The following XRN1 variants were observed in gnomAD, a reference collection of about 807,000 sequenced individuals.
The protein encoded by XRN1 is 5'-3' exoribonuclease 1, also known as strand-exchange protein 1 homolog.
Under a neutral mutation model 222.3 loss-of-function variants are expected in XRN1, and 67 were observed. The ratio of observed to expected loss-of-function variants is 0.30; its 90% CI spans 0.25 to 0.37. The LOEUF is 0.37. XRN1 is among the 10% of genes least tolerant of loss of function. XRN1 has a pLI of 1.00. For missense variants in XRN1, 1,707 were observed against 2,000.2 expected (o/e 0.85, Z 2.80); for synonymous variants, 643 against 652.4 (o/e 0.99, Z 0.22).
chr3:142,345,054 T>C (rs1359802797), intron 33 of XRN1, among the ~76,000 whole-genome samples: 1 of 152,160 alleles, frequency 6.6e-6, no homozygotes, highest in Non-Finnish European at 1.5e-5. Flanking sequence ...GCATATACAT[T>C]AGTGGAATGG....
chr3:142,440,131 G>A (rs984220108), intron 1 of XRN1, among the ~76,000 whole-genome samples: 1 of 152,096 alleles, frequency 6.6e-6, no homozygotes, highest in African/African-American at 2.4e-5. Flanking sequence ...GAGGTTAACT[G>A]TCTCCTGGAC....
At position 142,307,748 on chromosome 3, in the gene XRN1, T is replaced by A. The variant is rs2064998297; in HGVS notation, c.*3763A>T. The A allele has an allele frequency of 6.6e-6, 1 of 152,128 alleles. No homozygotes were observed. Among genetic ancestry groups the A allele is most frequent in the Admixed American group, 6.5e-5 (1 of 15,276 alleles). The allele number at this position is 152,128 out of a possible 1,614,324, so 9.4% of individuals were successfully genotyped here. A position where few individuals can be genotyped will look rare whatever the true frequency, so the allele number is the denominator to read the frequency against. On this transcript the variant is annotated 3_prime_UTR_variant, in exon 41 of 41. Coordinates refer to ENST00000392981, the MANE Select transcript of XRN1 (RefSeq NM_001282857.2). The stretch of plus-strand genomic sequence containing the variant: ...AATTTCTGGAATTTTAAGCTTTATC[T>A]TGACTAGGAAAGGAAGCTCCTGCAA...
chr3:142,311,920 G>T, intron 40 of XRN1, 107 bp from the exon 41 acceptor site: 1 of 1,095,644 alleles, frequency 9.1e-7, no homozygotes, highest in Non-Finnish European at 1.3e-6. Context: ...AATCACAGCT[G>T]ATCTGTGACT....
chr3:142,397,521 C>A, intron 19 of XRN1, 61 bp from the exon 20 acceptor site: 1 of 1,321,264 alleles, frequency 7.6e-7, no homozygotes, highest in South Asian at 2.0e-5. Flanking sequence ...AGAGTTCTAG[C>A]AGTGTGAGTC....
chr3:142,349,382 C>T (rs1364705626), intron 32 of XRN1, among the ~76,000 whole-genome samples: 1 of 152,076 alleles, frequency 6.6e-6, no homozygotes, highest in African/African-American at 2.4e-5. Context: ...ATTAGAACAT[C>T]AGGATAGAAC....
intron 15 of XRN1, 142 bp from the exon 16 acceptor site, chr3:142,405,218 C>A: frequency 1.4e-6 from 1 of 720,980 alleles, no homozygotes; most frequent in South Asian, 2.0e-5. Flanking sequence ...ACTAATGAAA[C>A]TCTTCCATTT....
intron 36 of XRN1, among the ~76,000 whole-genome samples, chr3:142,331,912 C>A (rs1187892664): frequency 1.3e-5 from 2 of 152,054 alleles, no homozygotes; most frequent in African/African-American, 4.8e-5. Context: ...GTAGCTGGGA[C>A]TACAGGCACA....
intron 2 of XRN1, among the ~76,000 whole-genome samples, chr3:142,429,975 G>A (rs1356927531): frequency 6.6e-6 from 1 of 152,152 alleles, no homozygotes; most frequent in Non-Finnish European, 1.5e-5. Flanking sequence ...CTGTAGCTCT[G>A]GAACAGATGC....
At position 142,432,806 on chromosome 3, in the gene XRN1, T is replaced by C. The variant is rs762362851; in HGVS notation, c.163A>G (p.Ile55Val). ...HPNDDDVHFR[I>V]SDDKIFTDIF... ...TCAGTAAAGATTTTATCATCTGAAA[T>C]TCTAAAGTGAACATCATCATCATTA... The change falls in exon 2 of 41, where the codon ATT becomes GTT. Residue 55 changes from isoleucine (I) to valine (V), a missense_variant. This residue lies in a region of XRN1 where 1,234 missense variants were observed against 1,518.2 expected (regional missense o/e 0.81). Coordinates refer to ENST00000392981, the MANE Select transcript of XRN1 (RefSeq NM_001282857.2). 4 of 1,614,018 alleles carry C rather than the reference T, an allele frequency of 2.5e-6. No individual in the cohort carries two copies. Among genetic ancestry groups the C allele is most frequent in the East Asian group, 2.2e-5 (1 of 44,858 alleles).
At chr3:142,429,145 T>C (rs1025762714) in intron 2 of XRN1, among the ~76,000 whole-genome samples, 2 of 97,418 alleles carry the variant, frequency 2.1e-5, no homozygotes, top group African/African-American at 8.3e-5. Flanking sequence ...AGCCATAATC[T>C]TTTTTTTTTT....
intron 20 of XRN1, among the ~76,000 whole-genome samples, chr3:142,390,660 T>C (rs1459656548): frequency 2.0e-5 from 3 of 152,260 alleles, no homozygotes; most frequent in Non-Finnish European, 2.9e-5. Context: ...GTTGTTTAAT[T>C]TGCTTATCAT....
intron 9 of XRN1, 123 bp downstream of exon 9, chr3:142,421,353 G>T: frequency 1.0e-6 from 1 of 954,476 alleles, no homozygotes; most frequent in Non-Finnish European, 1.5e-6. Flanking sequence ...AGGTAAAAGT[G>T]TTTATATTGA....
intron 37 of XRN1, among the ~76,000 whole-genome samples, chr3:142,322,939 G>C (rs1009055246): frequency 2.0e-5 from 3 of 152,188 alleles, no homozygotes; most frequent in Non-Finnish European, 2.9e-5. Flanking sequence ...GGAGGCGGAG[G>C]TTGCAGTGAG....
In XRN1 at chr3:142,375,827, T is replaced by G. The variant is rs769503455; in HGVS notation, c.2949A>C (p.Ala983=). ...CTAAGTACTCTGCCAGAAGTTGTTC[T>G]GCTGCAGATGAATACATCCATTCAC... ...VGSEWMYSSA[A]EQLLAEYLER... Residue 983 remains alanine (A), a synonymous_variant, in exon 25 of 41, where the codon GCA becomes GCC. Transcript: ENST00000392981. 7.4e-6 allele frequency: 12 copies of G among 1,613,764 alleles called. No individual in the cohort carries two copies. The highest frequency in any genetic ancestry group is 3.3e-5 in the Admixed American group (2 of 59,956).
At chr3:142,417,326 A>T in intron 12 of XRN1, 97 bp from the exon 13 acceptor site, 1 of 924,582 alleles carries the variant, frequency 1.1e-6, no homozygotes, top group Middle Eastern at 3.5e-4. Context: ...ACCTCAGATG[A>T]TTTATTTAAT....
intron 19 of XRN1, among the ~76,000 whole-genome samples, chr3:142,400,180 T>G (rs1236355539): frequency 6.6e-6 from 1 of 152,168 alleles, no homozygotes; most frequent in African/African-American, 2.4e-5. Context: ...TGATAACCAC[T>G]TCTAGAAAAG....
At chr3:142,335,394 C>T (rs2065823754) in intron 34 of XRN1, 54 bp downstream of exon 34, 2 of 1,495,192 alleles carry the variant, frequency 1.3e-6, no homozygotes, top group African/African-American at 1.4e-5. Context: ...GCTACAGAGC[C>T]ACCAATTGCA....
intron 33 of XRN1, among the ~76,000 whole-genome samples, chr3:142,341,911 C>T (rs1372835319): frequency 6.6e-6 from 1 of 152,084 alleles, no homozygotes; most frequent in Non-Finnish European, 1.5e-5. Context: ...ATATTTCCAA[C>T]ACTGGAGCAC....
chr3:142,328,620 T>C (rs2065587892), intron 37 of XRN1, among the ~76,000 whole-genome samples: 1 of 148,174 alleles, frequency 6.7e-6, no homozygotes. Context: ...AGCTGTTGGA[T>C]GAAATGTTCT....
Sources: gnomAD v4.1 joint callset for allele counts (sites outside exome capture counted in the v4.1 genomes callset) on GRCh38, gnomAD v4.1.1 for gene constraint, gnomAD v4.1.1 regional missense constraint, MANE v1.5 for transcripts, NCBI Gene and HGNC (gene_info 2026-07-23, HGNC 2026-07-21) for gene names.